Variants in DIP2C observed in about 807,000 individuals in gnomAD.
DIP2C encodes the protein DIP2 acetate--CoA ligase C (putative).
A neutral mutation model predicts 192.4 loss-of-function variants in DIP2C; 33 were observed. That is an observed-to-expected ratio of 0.17 (90% CI 0.13 to 0.23). The LOEUF is 0.23. Among genes scored for constraint, DIP2C ranks in the 10% least tolerant of loss-of-function variants. The pLI is 1.00. For synonymous variants in DIP2C, 979 were observed against 864.1 expected (o/e 1.13, Z -2.33); for missense variants, 1,537 against 2,110.1 (o/e 0.73, Z 5.32).
At chr10:619,593 C>G (rs972761560) in intron 1 of DIP2C, among the ~76,000 whole-genome samples, 2 of 125,306 alleles carry the variant, frequency 1.6e-5, no homozygotes, top group African/African-American at 5.9e-5. Flanking sequence ...ATAGATTCCA[C>G]TTTAACTAGT....
chr10:574,092 T>TTC lies in DIP2C; in HGVS notation c.86-87564_86-87563dup, dbSNP rs1205333934. Among the ~76,000 whole-genome samples the TTC allele has an allele frequency of 1.5e-4, 23 of 152,354 alleles. No homozygotes were observed. The East Asian group carries it at 3.5e-3, about 23-fold the overall frequency. ...AGCAGATTTTAAAACTTCAATGCTT[T>TTC]TCTCAATTTTTGCCACGTTCTGATG... On this transcript the variant is annotated intron_variant, in intron 1 of 36. Transcript: ENST00000280886.
intron 1 of DIP2C, among the ~76,000 whole-genome samples, chr10:543,309 T>C (rs922829083): frequency 1.3e-5 from 2 of 152,228 alleles, no homozygotes; most frequent in African/African-American, 4.8e-5. Flanking sequence ...CCATCACTGA[T>C]TTCAGTAGCG....
intron 16 of DIP2C, 113 bp downstream of exon 16, chr10:383,914 T>C: frequency 7.5e-7 from 1 of 1,338,988 alleles, no homozygotes; most frequent in African/African-American, 1.6e-5. Flanking sequence ...GTGCAAAGAA[T>C]GAAACCTGGG....
intron 29 of DIP2C, among the ~76,000 whole-genome samples, chr10:339,264 G>C (rs7895564): frequency 6.6e-6 from 1 of 152,062 alleles, no homozygotes; most frequent in Non-Finnish European, 1.5e-5. Flanking sequence ...AGTCCATTGG[G>C]ATCTGTTTCT....
intron 31 of DIP2C, among the ~76,000 whole-genome samples, chr10:321,587 C>CCGGCGAGAGACCGGCG: frequency 6.9e-6 from 1 of 144,618 alleles, no homozygotes; most frequent in African/African-American, 2.7e-5. Context: ...GTGCGGGGCT[C>CCGGCGAGAGACCGGCG]CAGCGAGAGA....
intron 6 of DIP2C, among the ~76,000 whole-genome samples, chr10:417,283 G>A (rs1451548723): frequency 6.6e-6 from 1 of 152,166 alleles, no homozygotes. Flanking sequence ...GGGCCCCTGT[G>A]GGATTCTGGT....
At chr10:556,969 C>G (rs1326073918) in intron 1 of DIP2C, among the ~76,000 whole-genome samples, 1 of 152,236 alleles carries the variant, frequency 6.6e-6, no homozygotes, top group East Asian at 1.9e-4. Context: ...CCATTTTCCT[C>G]AGCTTTAAGA....
At chr10:431,676 A>C (rs1299498935) in intron 4 of DIP2C, among the ~76,000 whole-genome samples, 1 of 151,370 alleles carries the variant, frequency 6.6e-6, no homozygotes, top group Non-Finnish European at 1.5e-5. Flanking sequence ...ACATAGGCAA[A>C]CATGCCATCT....
chr10:361,235 A>G (rs942150028), intron 22 of DIP2C, among the ~76,000 whole-genome samples: 4 of 152,226 alleles, frequency 2.6e-5, no homozygotes, highest in African/African-American at 9.6e-5. Context: ...GTACATTATT[A>G]GAGTAAAAAG....
chr10:622,839 AG>A (rs1431065042), intron 1 of DIP2C, among the ~76,000 whole-genome samples: 1 of 152,204 alleles, frequency 6.6e-6, no homozygotes. Flanking sequence ...AGAAACTACT[AG>A]ATCAAGAGCT....
At chr10:399,491 A>G (rs1174698824) in intron 9 of DIP2C, among the ~76,000 whole-genome samples, 2 of 152,160 alleles carry the variant, frequency 1.3e-5, no homozygotes, top group African/African-American at 4.8e-5. Flanking sequence ...ACACGTTTCC[A>G]CATAGATGAA....
rs1343881385 is a variant in DIP2C, at chr10:329,201, A to T, written c.3753+232T>A. Among the ~76,000 whole-genome samples, 4 of 152,262 alleles carry T rather than the reference A, an allele frequency of 2.6e-5. No individual in the cohort carries two copies. In the East Asian group the frequency reaches 5.8e-4, roughly 22 times the overall value. ...TTTCAAGTAGACCCAGTGGAATGAC[A>T]GGCATTGAAAATATTTTACATTCTG... On this transcript the variant is annotated intron_variant, in intron 30 of 36. Transcript: ENST00000280886.
chr10:607,905 A>G (rs535092446), intron 1 of DIP2C, among the ~76,000 whole-genome samples: 1 of 151,966 alleles, frequency 6.6e-6, no homozygotes, highest in East Asian at 1.9e-4. Context: ...AAGACGTACG[A>G]CTCTGTAATA....
chr10:320,494 G>A (rs1956957452), intron 31 of DIP2C, among the ~76,000 whole-genome samples: 1 of 144,198 alleles, frequency 6.9e-6, no homozygotes. Context: ...GATGACAAGA[G>A]CAAGACTCCG....
chr10:279,763 CCT>C (rs1954715325), intron 36 of DIP2C, among the ~76,000 whole-genome samples: 1 of 152,176 alleles, frequency 6.6e-6, no homozygotes, highest in Non-Finnish European at 1.5e-5. Context: ...CATGTGAGCC[CCT>C]GACCCGGTGA....
intron 13 of DIP2C, 96 bp from the exon 14 acceptor site, chr10:387,905 C>G (rs1963113110): frequency 3.1e-6 from 4 of 1,308,508 alleles, no homozygotes; most frequent in Non-Finnish European, 4.4e-6. Context: ...GGGGAAATAA[C>G]AGATCTTGGG....
At chr10:335,543 G>C (rs915111284) in intron 29 of DIP2C, among the ~76,000 whole-genome samples, 3 of 152,206 alleles carry the variant, frequency 2.0e-5, no homozygotes, top group Admixed American at 6.5e-5. Context: ...GGATGTTTCC[G>C]TGACTCTCAC....
chr10:353,208 G>A (rs139086302), intron 24 of DIP2C, among the ~76,000 whole-genome samples: 1,677 of 152,006 alleles, frequency 0.011, 33 homozygotes, highest in African/African-American at 0.039. Context: ...CTTGTCTAAG[G>A]ACACACATTC....
At chr10:337,581 A>G (rs561726466) in intron 29 of DIP2C, among the ~76,000 whole-genome samples, 9 of 100,422 alleles carry the variant, frequency 9.0e-5, no homozygotes, top group South Asian at 7.1e-4. Flanking sequence ...GCCTAGGCTG[A>G]TGTGTGTGTG....
Sources: gnomAD v4.1 joint callset for allele counts (sites outside exome capture counted in the v4.1 genomes callset) on GRCh38, gnomAD v4.1.1 for gene constraint, MANE v1.5 for transcripts, NCBI Gene and HGNC (gene_info 2026-07-23, HGNC 2026-07-21) for gene names.